Variants in TET3 observed in about 807,000 individuals in gnomAD.
TET3 encodes the protein methylcytosine dioxygenase TET3.
In TET3, 19 loss-of-function variants were observed where a neutral mutation model predicts 141.4. That is an observed-to-expected ratio of 0.13 (90% CI 0.09 to 0.20). The LOEUF is 0.20. Ranked by LOEUF, TET3 falls within the 10% of genes least tolerant of loss-of-function variation. The pLI is 1.00. For synonymous variants in TET3, 1,043 were observed against 980.9 expected (o/e 1.06, Z -1.18); for missense variants, 1,874 against 2,356.9 (o/e 0.80, Z 4.24).
the TET3 span, among the ~76,000 whole-genome samples, chr2:74,114,292 T>G: frequency 3.6e-5 from 4 of 111,278 alleles, no homozygotes; most frequent in African/African-American, 1.4e-4. Context: ...ATAATGGACC[T>G]TGGGGACTCG....
chr2:74,107,151 C>T lies in TET3; in HGVS notation c.*4975C>T, dbSNP rs1222749108. The T allele has an allele frequency of 3.9e-5, 6 of 152,294 alleles. No homozygotes were observed. The highest frequency in any genetic ancestry group is 8.8e-5 in the Non-Finnish European group (6 of 68,084). The allele number at this position is 152,294 out of a possible 1,614,324, so 9.4% of individuals were successfully genotyped here. A position where few individuals can be genotyped will look rare whatever the true frequency, so the allele number is the denominator to read the frequency against. On this transcript the variant is annotated 3_prime_UTR_variant, in exon 12 of 12. Coordinates refer to ENST00000409262, the MANE Select transcript of TET3 (RefSeq NM_001287491.2). ...AACATAAGTTACACAGTCCCACATC[C>T]AGGTGCACAGAGTGCGAGTGCACTC...
intron 6 of TET3, among the ~76,000 whole-genome samples, chr2:74,081,853 G>T (rs760033195): frequency 1.6e-4 from 24 of 152,320 alleles, no homozygotes; most frequent in Non-Finnish European, 3.2e-4. Flanking sequence ...TTTTTAGTCA[G>T]CATTGCAGAA....
At chr2:74,004,827 C>T (rs1194867463) in intron 3 of TET3, among the ~76,000 whole-genome samples, 1 of 152,190 alleles carries the variant, frequency 6.6e-6, no homozygotes, top group Non-Finnish European at 1.5e-5. Flanking sequence ...CCCCTCGCCT[C>T]CCGCTGCTGG....
rs1016744937 is a variant in TET3, at chr2:74,105,537, A to G, written c.*3361A>G. 2.5e-6 allele frequency: 1 copy of G among 398,242 alleles called. No individual in the cohort carries two copies. Among genetic ancestry groups the G allele is most frequent in the Non-Finnish European group, 4.4e-6 (1 of 225,682 alleles). 24.7% of individuals were successfully genotyped at this position (398,242 alleles called of 1,614,324 possible). On this transcript the variant is annotated 3_prime_UTR_variant, in exon 12 of 12. Transcript: ENST00000409262. Reference sequence around the variant, plus strand: ...TTTGGGTCTGGCTTTTAGCAGGGCCAATGTTTCCCACACCCCGGCTTCATG... The same window carrying G: ...TTTGGGTCTGGCTTTTAGCAGGGCCGATGTTTCCCACACCCCGGCTTCATG...
At chr2:74,115,906 T>C in the TET3 span, among the ~76,000 whole-genome samples, 40 of 151,586 alleles carry the variant, frequency 2.6e-4, no homozygotes, top group East Asian at 7.6e-3. Context: ...TATCAGCTAC[T>C]TAGGAGGCAG....
chr2:74,059,594 C>A (rs1688394378), intron 4 of TET3, among the ~76,000 whole-genome samples: 1 of 151,700 alleles, frequency 6.6e-6, no homozygotes, highest in Non-Finnish European at 1.5e-5. Context: ...TCACTGTTGT[C>A]CAGGCCAGAG....
In TET3 at chr2:74,087,153, T is replaced by A. The variant is rs1356735912; in HGVS notation, c.2680-677T>A. Among the ~76,000 whole-genome samples the A allele has an allele frequency of 6.6e-6, 1 of 152,224 alleles. No homozygotes were observed. The highest frequency in any genetic ancestry group is 1.9e-4 in the East Asian group (1 of 5,202). On this transcript the variant is annotated intron_variant, in intron 6 of 11. Coordinates refer to ENST00000409262, the MANE Select transcript of TET3 (RefSeq NM_001287491.2). This position sits in a 1 kb window ranked among gnomAD's most constrained non-coding sequence, Gnocchi z 4.3. The stretch of plus-strand genomic sequence containing the variant: ...GTTGTAACATGGATCAGAATTTTGT[T>A]TCTCTTTAAGGCTGAGTAATACTTG...
intron 3 of TET3, among the ~76,000 whole-genome samples, chr2:74,025,172 C>T (rs555437014): frequency 3.6e-5 from 5 of 139,770 alleles, no homozygotes; most frequent in East Asian, 2.1e-4. Flanking sequence ...TGCAGTGAGC[C>T]GAGATTGTGC....
chr2:74,097,042 G>T (rs1012400688), intron 10 of TET3, among the ~76,000 whole-genome samples: 1 of 150,916 alleles, frequency 6.6e-6, no homozygotes, highest in Non-Finnish European at 1.5e-5. Flanking sequence ...GCAGTGAGCC[G>T]TGTCACACCA....
At chr2:74,081,856 T>C (rs1386820864) in intron 6 of TET3, among the ~76,000 whole-genome samples, 3 of 152,234 alleles carry the variant, frequency 2.0e-5, no homozygotes, top group African/African-American at 7.2e-5. Flanking sequence ...TTAGTCAGCA[T>C]TGCAGAATTA....
downstream of TET3, among the ~76,000 whole-genome samples, chr2:74,109,081 C>A (rs1242263770): frequency 2.0e-5 from 3 of 152,170 alleles, no homozygotes; most frequent in Non-Finnish European, 4.4e-5. Context: ...TGTTTTGTAA[C>A]CTGCTTTCCT....
chr2:73,994,707 C>T (rs1471106773), intron 2 of TET3, among the ~76,000 whole-genome samples: 2 of 141,996 alleles, frequency 1.4e-5, no homozygotes, highest in Non-Finnish European at 3.0e-5. Flanking sequence ...GGTATGATCT[C>T]GGCTCACTCA....
At chr2:74,099,713 C>T (rs1487748816) in intron 11 of TET3, 101 bp downstream of exon 11, 1 of 1,238,706 alleles carries the variant, frequency 8.1e-7, no homozygotes, top group African/African-American at 1.5e-5. Context: ...GGAACTGGGG[C>T]CTCTGCTTAA....
chr2:74,028,316 T>G (rs1315416633), intron 3 of TET3, among the ~76,000 whole-genome samples: 2 of 152,182 alleles, frequency 1.3e-5, no homozygotes, highest in African/African-American at 4.8e-5. Flanking sequence ...ATGGTGTCCT[T>G]TGAAACTCAA....
chr2:74,122,490 CATATAT>C, the TET3 span: 2 of 59,374 alleles, frequency 3.4e-5, no homozygotes, highest in African/African-American at 7.1e-5. Context: ...TAAATACATA[CATATAT>C]ATATATATAT....
intron 4 of TET3, among the ~76,000 whole-genome samples, chr2:74,056,596 T>C (rs1688230962): frequency 6.6e-6 from 1 of 152,122 alleles, no homozygotes. Context: ...AGACATAAAA[T>C]AGATCTTTCT....
intron 3 of TET3, among the ~76,000 whole-genome samples, chr2:74,022,104 T>C (rs1326899555): frequency 6.0e-5 from 9 of 150,134 alleles, no homozygotes; most frequent in Middle Eastern, 3.2e-3. Flanking sequence ...CTTTTTTTTT[T>C]TTTTTTTTTT....
downstream of TET3, among the ~76,000 whole-genome samples, chr2:74,109,493 A>ACAGAAGCATTTAATCATC (rs1691651046): frequency 6.6e-6 from 1 of 152,208 alleles, no homozygotes; most frequent in South Asian, 2.1e-4. Flanking sequence ...TAGTATGGAT[A>ACAGAAGCATTTAATCATC]CAGAAGCATT....
intron 3 of TET3, among the ~76,000 whole-genome samples, chr2:74,015,301 A>C (rs1432140615): frequency 6.6e-6 from 1 of 152,238 alleles, no homozygotes; most frequent in Admixed American, 6.5e-5. Flanking sequence ...AAATGCAGAA[A>C]GTTTTGAATT....
Sources: allele counts gnomAD v4.1 joint callset (sites outside exome capture counted in the v4.1 genomes callset), GRCh38; gene constraint gnomAD v4.1.1; non-coding constraint Gnocchi (gnomAD v3.1); transcripts MANE v1.5; gene names NCBI Gene and HGNC (gene_info 2026-07-23, HGNC 2026-07-21).